Variants in SIPA1L3 observed in about 807,000 individuals in gnomAD.
SIPA1L3 encodes the protein signal-induced proliferation-associated 1-like protein 3.
Under a neutral mutation model 150.1 loss-of-function variants are expected in SIPA1L3, and 59 were observed. The observed-to-expected ratio is 0.39, with a 90% CI of 0.32 to 0.49. SIPA1L3 has a LOEUF of 0.49. Among genes scored for constraint, SIPA1L3 ranks in the 20% least tolerant of loss-of-function variants. The pLI is 0.86. For missense variants in SIPA1L3, 2,211 were observed against 2,489.5 expected, an observed-to-expected ratio of 0.89 and a Z score of 2.38; for synonymous variants, 1,070 against 1,077.6, an observed-to-expected ratio of 0.99 and a Z score of 0.14.
intron 3 of SIPA1L3, 57 bp downstream of exon 3, chr19:38,083,156 C>A (rs1600036171): frequency 4.8e-6 from 7 of 1,468,242 alleles, no homozygotes; most frequent in Non-Finnish European, 6.5e-6. Flanking sequence ...CCTCCGAGAC[C>A]CCCACTACTC....
At chr19:38,153,219 G>T (rs2145961996) in intron 13 of SIPA1L3, among the ~76,000 whole-genome samples, 1 of 152,346 alleles carries the variant, frequency 6.6e-6, no homozygotes, top group South Asian at 2.1e-4. Flanking sequence ...GAGCCGGCGT[G>T]CAGCTGTGTG....
intron 2 of SIPA1L3, among the ~76,000 whole-genome samples, chr19:38,035,721 AGAT>A (rs1444466862): frequency 6.6e-6 from 1 of 152,010 alleles, no homozygotes; most frequent in African/African-American, 2.4e-5. Context: ...GATGATAATG[AGAT>A]GATGATGATG....
intron 4 of SIPA1L3, among the ~76,000 whole-genome samples, chr19:38,098,331 C>T (rs1216925100): frequency 1.3e-5 from 2 of 151,356 alleles, no homozygotes; most frequent in African/African-American, 4.9e-5. Context: ...CAGCTCCAAA[C>T]ATTTCATTCT....
chr19:37,960,371 G>A (rs1323188399), intron 1 of SIPA1L3, among the ~76,000 whole-genome samples: 1 of 151,530 alleles, frequency 6.6e-6, no homozygotes, highest in African/African-American at 2.4e-5. Flanking sequence ...TGAGTAGCTG[G>A]GACTATAGGT....
intron 10 of SIPA1L3, among the ~76,000 whole-genome samples, chr19:38,134,870 G>T (rs1971399808): frequency 1.3e-5 from 2 of 152,138 alleles, no homozygotes; most frequent in South Asian, 2.1e-4. Context: ...GAGGGCAAAG[G>T]CCCTTAGCTT....
At chr19:38,007,508 G>T (rs1034581842) in intron 1 of SIPA1L3, among the ~76,000 whole-genome samples, 4 of 151,356 alleles carry the variant, frequency 2.6e-5, no homozygotes, top group Non-Finnish European at 5.9e-5. Context: ...GTAATTGCCC[G>T]GGGGAGGGGG....
rs1211858998 is a variant in SIPA1L3 at position 38,207,584 on chromosome 19, G to A, written c.*1344G>A. 1.3e-5 allele frequency: 2 copies of A among 152,038 alleles called. No homozygotes were observed. The highest frequency in any genetic ancestry group is 4.8e-5 in the African/African-American group (2 of 41,392). The allele number at this position is 152,038 out of a possible 1,614,324, so 9.4% of individuals were successfully genotyped here. On this transcript the variant is annotated 3_prime_UTR_variant, in exon 22 of 22. Transcript: ENST00000222345. ...GGGTCAGTGGGAGGACCAGAGGGAT[G>A]AAGTCAGGGCAGGCCGGTGCCCTTT...
intron 1 of SIPA1L3, among the ~76,000 whole-genome samples, chr19:37,948,866 G>A (rs969804309): frequency 1.3e-5 from 2 of 152,222 alleles, no homozygotes; most frequent in African/African-American, 4.8e-5. Context: ...TAAGGAGCCA[G>A]CCGTGGAAGG....
intron 1 of SIPA1L3, among the ~76,000 whole-genome samples, chr19:37,995,867 C>CAGAT (rs1280379170): frequency 2.6e-5 from 4 of 152,166 alleles, no homozygotes; most frequent in African/African-American, 9.7e-5. Context: ...TGGAGTCGGG[C>CAGAT]AGATCCTCCT....
intron 21 of SIPA1L3, among the ~76,000 whole-genome samples, chr19:38,204,968 C>A (rs555320534): frequency 2.0e-5 from 3 of 152,162 alleles, no homozygotes; most frequent in African/African-American, 4.8e-5. Flanking sequence ...CAGCTTGCAG[C>A]CAATTAAAGT....
At chr19:38,127,759 A>G (rs898125153) in intron 9 of SIPA1L3, among the ~76,000 whole-genome samples, 2 of 152,078 alleles carry the variant, frequency 1.3e-5, no homozygotes, top group African/African-American at 4.8e-5. Context: ...TTGGCCTCCT[A>G]AAAGTGTTGA....
intron 1 of SIPA1L3, among the ~76,000 whole-genome samples, chr19:37,908,765 A>G (rs1294425493): frequency 6.6e-6 from 1 of 152,144 alleles, no homozygotes; most frequent in Non-Finnish European, 1.5e-5. Flanking sequence ...GAAAGGCCTA[A>G]GAAGAAATGG....
intron 1 of SIPA1L3, among the ~76,000 whole-genome samples, chr19:37,935,494 G>A (rs1331007813): frequency 6.6e-6 from 1 of 152,222 alleles, no homozygotes; most frequent in Non-Finnish European, 1.5e-5. Context: ...CTAAACTTAA[G>A]GCCTTAAAAT....
At chr19:37,947,509 A>G (rs2046723316) in intron 1 of SIPA1L3, among the ~76,000 whole-genome samples, 1 of 151,132 alleles carries the variant, frequency 6.6e-6, no homozygotes, top group Non-Finnish European at 1.5e-5. Flanking sequence ...AAAAAGTCCA[A>G]CTCCCCCACC....
intron 2 of SIPA1L3, among the ~76,000 whole-genome samples, chr19:38,068,586 A>G (rs1969649340): frequency 6.6e-6 from 1 of 151,792 alleles, no homozygotes. Flanking sequence ...TTGGCAGGGC[A>G]TGGTGGTTTG....
In SIPA1L3 at chr19:38,047,786, C is replaced by A. The variant is rs1201365505; in HGVS notation, c.-311+18630C>A. Among the ~76,000 whole-genome samples, 2 of 152,174 alleles carry A rather than the reference C, an allele frequency of 1.3e-5. No homozygotes were observed. The highest frequency in any genetic ancestry group is 2.9e-5 in the Non-Finnish European group (2 of 68,044). ...TCATTTTAGAGACCCCAGCGGCAGT[C>A]CAGATCCTGAAGTCCGACCTTTGAT... On this transcript the variant is annotated intron_variant, in intron 2 of 21. Coordinates refer to ENST00000222345, the MANE Select transcript of SIPA1L3 (RefSeq NM_015073.3). This position sits in a 1 kb window ranked among gnomAD's most constrained non-coding sequence, Gnocchi z 4.7.
intron 7 of SIPA1L3, among the ~76,000 whole-genome samples, chr19:38,107,446 G>A (rs752776282): frequency 2.0e-5 from 3 of 152,276 alleles, no homozygotes; most frequent in South Asian, 4.1e-4. Context: ...GGTGGGCAGC[G>A]CCACCAAACA....
chr19:38,038,223 A>G (rs1328259069), intron 2 of SIPA1L3, among the ~76,000 whole-genome samples: 2 of 152,120 alleles, frequency 1.3e-5, no homozygotes, highest in Non-Finnish European at 2.9e-5. Context: ...GGACTTGCTA[A>G]TGGCATGGCT....
chr19:38,173,465 C>G (rs866318573), intron 15 of SIPA1L3, among the ~76,000 whole-genome samples: 1 of 152,266 alleles, frequency 6.6e-6, no homozygotes, highest in African/African-American at 2.4e-5. Flanking sequence ...ACCTGGCCCT[C>G]GCCCTCTCCT....
Sources: allele counts gnomAD v4.1 joint callset (sites outside exome capture counted in the v4.1 genomes callset), GRCh38; gene constraint gnomAD v4.1.1; non-coding constraint Gnocchi (gnomAD v3.1); transcripts MANE v1.5; gene names NCBI Gene and HGNC (gene_info 2026-07-23, HGNC 2026-07-21).